The following C6orf132 variants were observed in gnomAD, a reference collection of about 807,000 sequenced individuals.
C6orf132 encodes the protein uncharacterized protein C6orf132.
Under a neutral mutation model 65.3 loss-of-function variants are expected in C6orf132, and 43 were observed. The ratio of observed to expected loss-of-function variants is 0.66; its 90% CI spans 0.52 to 0.85. The LOEUF is 0.85. C6orf132 is among the 40% of genes least tolerant of loss of function. The pLI, the probability that C6orf132 is intolerant of heterozygous loss-of-function variation, is 0.00. For synonymous variants in C6orf132, 631 were observed against 654.1 expected (o/e 0.96, Z 0.54); for missense variants, 1,488 against 1,548.8 (o/e 0.96, Z 0.66).
rs148132395 is a variant in C6orf132, at chr6:42,141,125, CT to C, written c.145+1174del. On this transcript the variant is annotated intron_variant, in intron 1 of 4. Coordinates refer to ENST00000341865, the MANE Select transcript of C6orf132 (RefSeq NM_001164446.3). The stretch of plus-strand genomic sequence containing the variant: ...GCATATGGTTAGTTCTGTTCACCCC[CT>C]GATCTGATATCTTTGTGCCAGGAAG... Among the ~76,000 whole-genome samples, 1,047 of 152,322 alleles carry C rather than the reference CT, an allele frequency of 6.9e-3. 16 individuals are homozygous for C. The highest frequency in any genetic ancestry group is 0.023 in the African/African-American group (954 of 41,574).
chr6:42,121,050 T>C (rs917058529), intron 2 of C6orf132, among the ~76,000 whole-genome samples: 2 of 152,200 alleles, frequency 1.3e-5, no homozygotes, highest in Non-Finnish European at 2.9e-5. Context: ...TAGATGGTGC[T>C]CAAGAAGTGT....
At chr6:42,131,500 A>G (rs1352828297) in intron 1 of C6orf132, among the ~76,000 whole-genome samples, 1 of 152,240 alleles carries the variant, frequency 6.6e-6, no homozygotes, top group Non-Finnish European at 1.5e-5. Flanking sequence ...TGTTGAAGCC[A>G]GGGTCTCCCT....
intron 1 of C6orf132, among the ~76,000 whole-genome samples, chr6:42,140,711 C>T (rs951553239): frequency 6.6e-6 from 1 of 152,204 alleles, no homozygotes; most frequent in Non-Finnish European, 1.5e-5. Context: ...ACTTAACCTC[C>T]CTGTGCCTCA....
At chr6:42,127,606 C>T (rs1445325110) in intron 2 of C6orf132, among the ~76,000 whole-genome samples, 1 of 152,188 alleles carries the variant, frequency 6.6e-6, no homozygotes, top group East Asian at 1.9e-4. Flanking sequence ...GGCAAGGGGC[C>T]TTTCAGTCCA....
intron 1 of C6orf132, among the ~76,000 whole-genome samples, chr6:42,140,409 A>G (rs1413873007): frequency 6.6e-6 from 1 of 152,104 alleles, no homozygotes; most frequent in Non-Finnish European, 1.5e-5. Context: ...GTGTGTGTGT[A>G]TGTGTGTGGT....
chr6:42,141,989 G>A (rs1045412498), intron 1 of C6orf132, among the ~76,000 whole-genome samples: 9 of 152,178 alleles, frequency 5.9e-5, no homozygotes, highest in African/African-American at 2.2e-4. Flanking sequence ...AGTAACACAA[G>A]CATAGGATTC....
At chr6:42,120,993 A>G (rs924701431) in intron 2 of C6orf132, among the ~76,000 whole-genome samples, 2 of 152,204 alleles carry the variant, frequency 1.3e-5, no homozygotes, top group Non-Finnish European at 2.9e-5. Flanking sequence ...CAGATTTGCA[A>G]TCTTAACTGA....
chr6:42,105,116 C>G lies in C6orf132; in HGVS notation c.2796G>C (p.Arg932Ser). The G allele has an allele frequency of 6.5e-7, 1 of 1,536,954 alleles. No individual in the cohort carries two copies. Among genetic ancestry groups the G allele is most frequent in the Non-Finnish European group, 8.7e-7 (1 of 1,146,834 alleles). ...RDAEGTELSRRHNWTKPEPQA... is the reference protein window; with the variant it reads ...RDAEGTELSRSHNWTKPEPQA... ...GGGGCTCTGGCTTTGTCCAGTTGTGCCTGCGGCTCAGCTCTGTGCCCTCTG... is the reference window on the plus strand; with the variant it reads ...GGGGCTCTGGCTTTGTCCAGTTGTGGCTGCGGCTCAGCTCTGTGCCCTCTG... Residue 932 changes from arginine (R) to serine (S), a missense_variant, in exon 4 of 5, where the codon AGG becomes AGC. By Grantham distance (110) the Arg-to-Ser change is moderately radical. Transcript: ENST00000341865.
At position 42,107,172 on chromosome 6, in the gene C6orf132, G is replaced by A; in HGVS notation, c.740C>T (p.Thr247Ile). The change falls in exon 4 of 5, where the codon ACT (threonine) becomes ATT (isoleucine). Residue 247 changes from threonine to isoleucine, a missense_variant. Thr to Ile is a moderately conservative substitution (Grantham distance 89, BLOSUM62 -1). Coordinates refer to ENST00000341865, the MANE Select transcript of C6orf132 (RefSeq NM_001164446.3). ...GACACCCCCAGGGGGAAAGAGACGA[G>A]TCCCCACTGTGTGAGGAGATGCTGG... ...PAPASPHTVG[T>I]RLFPPGGVTK... 1 of 1,432,530 alleles carries A rather than the reference G, an allele frequency of 7.0e-7. No homozygotes were observed. Among genetic ancestry groups the A allele is most frequent in the Non-Finnish European group, 9.1e-7 (1 of 1,097,496 alleles). The allele number at this position is 1,432,530 out of a possible 1,614,324, so 88.7% of individuals were successfully genotyped here.
In C6orf132 at chr6:42,106,052, A is replaced by T; in HGVS notation, c.1860T>A (p.Pro620=). The T allele has an allele frequency of 6.5e-7, 1 of 1,537,194 alleles. No homozygotes were observed. The highest frequency in any genetic ancestry group is 8.7e-7 in the Non-Finnish European group (1 of 1,146,892). ...LSKPVAKNLP[P]QSTTLLPTTS... is the part of the protein sequence containing the mutation. ...TAGTTGGCAGCAGGGTGGTGGATTG[A>T]GGTGGCAGATTCTTGGCCACAGGCT... The change falls in exon 4 of 5, where the codon CCT becomes CCA. Residue 620 remains proline (P), a synonymous_variant. Coordinates refer to ENST00000341865, the MANE Select transcript of C6orf132 (RefSeq NM_001164446.3).
chr6:42,107,239 C>T lies in C6orf132; in HGVS notation c.673G>A (p.Ala225Thr), dbSNP rs1208702261. 2.1e-6 allele frequency: 2 copies of T among 935,298 alleles called. No individual in the cohort carries two copies. Among genetic ancestry groups the T allele is most frequent in the African/African-American group, 5.5e-5 (2 of 36,268 alleles). 57.9% of individuals were successfully genotyped at this position (935,298 alleles called of 1,614,324 possible). A position where few individuals can be genotyped will look rare whatever the true frequency, so the allele number is the denominator to read the frequency against. Residue 225 changes from alanine to threonine, a missense_variant, in exon 4 of 5, where the codon GCC becomes ACC. Ala to Thr is a moderately conservative substitution (Grantham distance 58, BLOSUM62 0). Transcript: ENST00000341865. ...GCTGGCACAGGAGGCGGTGGGGGGG[C>T]TAGAAAGGCCAAGGGTGGGGCAGGG... ...IPPAPPLAFLAPPPPPVPAPA... is the reference protein window; with the variant it reads ...IPPAPPLAFLTPPPPPVPAPA...
chr6:42,128,991 G>C (rs1766812426), intron 1 of C6orf132, among the ~76,000 whole-genome samples: 1 of 152,210 alleles, frequency 6.6e-6, no homozygotes, highest in Non-Finnish European at 1.5e-5. Context: ...GAGGGACTCG[G>C]TGTTCGTGGG....
rs1339751475 is a variant in C6orf132, at chr6:42,101,150, T to C, written c.*2611A>G. The C allele has an allele frequency of 6.6e-6, 1 of 151,838 alleles. No homozygotes were observed. Among genetic ancestry groups the C allele is most frequent in the Non-Finnish European group, 1.5e-5 (1 of 67,992 alleles). The allele number at this position is 151,838 out of a possible 1,614,324, so 9.4% of individuals were successfully genotyped here. On this transcript the variant is annotated 3_prime_UTR_variant, in exon 5 of 5. Coordinates refer to ENST00000341865, the MANE Select transcript of C6orf132 (RefSeq NM_001164446.3). The stretch of plus-strand genomic sequence containing the variant: ...TAAAAAAAAAAGCTTTATGGAAAAC[T>C]GTGACAGGCCATATACAAATGTGAG...
intron 1 of C6orf132, among the ~76,000 whole-genome samples, chr6:42,132,073 G>C (rs1052697167): frequency 2.0e-5 from 3 of 152,170 alleles, no homozygotes; most frequent in Admixed American, 6.5e-5. Flanking sequence ...AGGACTGTGG[G>C]CTGCCTCTAG....
At chr6:42,122,532 G>C (rs1766704101) in intron 2 of C6orf132, among the ~76,000 whole-genome samples, 1 of 152,184 alleles carries the variant, frequency 6.6e-6, no homozygotes, top group Admixed American at 6.5e-5. Flanking sequence ...CAGGTGGGTA[G>C]AGAAGGGGGT....
chr6:42,105,166 A>T lies in C6orf132; in HGVS notation c.2746T>A (p.Trp916Arg). ...SPLTTEIPNK[W>R]GPRLGRDAEG... The stretch of plus-strand genomic sequence containing the variant: ...GCGTCTCTTCCCAGCCGCGGCCCCC[A>T]CTTATTGGGTATTTCGGTCGTCAGC... The change falls in exon 4 of 5, where the codon TGG (tryptophan) becomes AGG (arginine). Residue 916 changes from tryptophan (W) to arginine (R), a missense_variant. By Grantham distance (101) the Trp-to-Arg change is moderately radical. Transcript: ENST00000341865. 1 of 1,536,690 alleles carries T rather than the reference A, an allele frequency of 6.5e-7. No homozygotes were observed. The highest frequency in any genetic ancestry group is 8.7e-7 in the Non-Finnish European group (1 of 1,146,766).
intron 1 of C6orf132, among the ~76,000 whole-genome samples, chr6:42,136,467 G>C (rs1385811837): frequency 6.6e-6 from 1 of 152,110 alleles, no homozygotes; most frequent in Non-Finnish European, 1.5e-5. Context: ...CTTAGCTTGG[G>C]GAGTTTTTGC....
At chr6:42,121,737 T>C (rs546579852) in intron 2 of C6orf132, among the ~76,000 whole-genome samples, 57 of 152,314 alleles carry the variant, frequency 3.7e-4, no homozygotes, top group African/African-American at 1.3e-3. Context: ...TCTGGGGCAC[T>C]GGCCCTGTGG....
intron 3 of C6orf132, among the ~76,000 whole-genome samples, chr6:42,108,015 C>T (rs1052612499): frequency 6.6e-6 from 1 of 152,198 alleles, no homozygotes; most frequent in African/African-American, 2.4e-5. Flanking sequence ...GTGTCCCTCT[C>T]CCACTATGTT....
Sources: gnomAD v4.1 joint callset for allele counts (sites outside exome capture counted in the v4.1 genomes callset) on GRCh38, gnomAD v4.1.1 for gene constraint, MANE v1.5 for transcripts, NCBI Gene and HGNC (gene_info 2026-07-23, HGNC 2026-07-21) for gene names.